The following DIS3L variants were observed in gnomAD, a reference collection of about 807,000 sequenced individuals.
DIS3L encodes the protein DIS3 like exosome 3'-5' exoribonuclease.
A neutral mutation model predicts 120.3 loss-of-function variants in DIS3L; 100 were observed. That is an observed-to-expected ratio of 0.83 (90% CI 0.71 to 0.98). The LOEUF is 0.98. Ranked by LOEUF, DIS3L falls within the 50% of genes least tolerant of loss-of-function variation. The probability of loss-of-function intolerance (pLI) is 0.00; values close to 1 mark genes in which losing one functional copy is unlikely to be tolerated. For missense variants in DIS3L, 1,196 were observed against 1,314.2 expected (o/e 0.91, Z 1.39); for synonymous variants, 426 against 470.6 (o/e 0.91, Z 1.23).
At chr15:66,302,476 A>G (rs1338178041) in intron 2 of DIS3L, among the ~76,000 whole-genome samples, 1 of 152,202 alleles carries the variant, frequency 6.6e-6, no homozygotes, top group African/African-American at 2.4e-5. Flanking sequence ...TGGAAATGTC[A>G]GTTTATTCAG....
At chr15:66,329,968 G>C (rs1285780771) in intron 14 of DIS3L, 9 of 984,684 alleles carry the variant, frequency 9.1e-6, no homozygotes, top group Non-Finnish European at 1.1e-5. Flanking sequence ...ACCACCCAGA[G>C]CTAACAATTA....
chr15:66,307,617 G>A (rs918433808), intron 3 of DIS3L, among the ~76,000 whole-genome samples: 16 of 152,152 alleles, frequency 1.1e-4, no homozygotes, highest in African/African-American at 4.8e-5. Context: ...CCTACTCCCA[G>A]TCTTATTAAA....
At chr15:66,301,560 C>G (rs916525783) in intron 2 of DIS3L, among the ~76,000 whole-genome samples, 1 of 152,144 alleles carries the variant, frequency 6.6e-6, no homozygotes, top group African/African-American at 2.4e-5. Flanking sequence ...GGATTACAAG[C>G]ATGAGCCACC....
chr15:66,331,955 G>A lies in DIS3L; in HGVS notation c.2616G>A (p.Glu872=). 2.5e-6 allele frequency: 4 copies of A among 1,613,588 alleles called. No homozygotes were observed. Among genetic ancestry groups the A allele is most frequent in the Non-Finnish European group, 3.4e-6 (4 of 1,179,776 alleles). ...AAGACAAAGACCCTGCCACCGAGGA[G>A]CGTTGCATATCTGACGGAGTTATTT... is the stretch of plus-strand genomic sequence containing the variant. ...YFKDKDPATE[E]RCISDGVIYS... Residue 872 remains glutamate, a synonymous_variant, in exon 15 of 17, where the codon GAG becomes GAA. Coordinates refer to ENST00000319212, the MANE Select transcript of DIS3L (RefSeq NM_001143688.3).
chr15:66,318,315 G>T, intron 7 of DIS3L, 134 bp from the exon 8 acceptor site: 2 of 947,408 alleles, frequency 2.1e-6, no homozygotes, highest in Non-Finnish European at 3.1e-6. Flanking sequence ...AAACATTCTT[G>T]AGTTGGGTGG....
intron 14 of DIS3L, chr15:66,329,851 G>A: frequency 1.0e-6 from 1 of 966,888 alleles, no homozygotes. Flanking sequence ...GGTGGAGATT[G>A]CAGTGGGCCG....
chr15:66,332,837 G>A lies in DIS3L; in HGVS notation c.2783G>A (p.Arg928Gln), dbSNP rs148188484. 6.8e-6 allele frequency: 11 copies of A among 1,613,810 alleles called. No homozygotes were observed. Among genetic ancestry groups the A allele is most frequent in the African/African-American group, 4.0e-5 (3 of 74,884 alleles). ...GAATGGAAACCAGGATCCCTTCAAC[G>A]ATTTCAAAACAAAATTACCTCTACT... ...CSEWKPGSLQ[R>Q]FQNKITSTTT... is the part of the protein sequence containing the mutation. The change falls in exon 16 of 17, where the codon CGA (arginine) becomes CAA (glutamine). Residue 928 changes from arginine (R) to glutamine (Q), a missense_variant. Arg to Gln is a conservative substitution (Grantham distance 43). Coordinates refer to ENST00000319212, the MANE Select transcript of DIS3L (RefSeq NM_001143688.3).
intron 1 of DIS3L, chr15:66,294,082 G>A (rs2092556921): frequency 1.0e-6 from 1 of 986,056 alleles, no homozygotes; most frequent in Non-Finnish European, 1.2e-6. Flanking sequence ...TCGCGCCGTG[G>A]AGAAATGGGG....
intron 4 of DIS3L, among the ~76,000 whole-genome samples, chr15:66,310,053 C>G (rs1381166960): frequency 6.6e-6 from 1 of 152,164 alleles, no homozygotes; most frequent in African/African-American, 2.4e-5. Context: ...GTCTGCCCAG[C>G]TGGTCAATTA....
chr15:66,319,952 TAA>T (rs34195061), intron 8 of DIS3L, among the ~76,000 whole-genome samples: 64 of 108,048 alleles, frequency 5.9e-4, no homozygotes, highest in Middle Eastern at 9.2e-3. Context: ...CCATTTCTAC[TAA>T]AAAAAAAAAA....
chr15:66,329,392 G>A lies in DIS3L; in HGVS notation c.2528G>A (p.Arg843Lys). 6.3e-7 allele frequency: 1 copy of A among 1,599,754 alleles called. No homozygotes were observed. The highest frequency in any genetic ancestry group is 8.5e-7 in the Non-Finnish European group (1 of 1,175,272). The change falls in exon 14 of 17, where the codon AGA becomes AAA. Residue 843 changes from arginine (R) to lysine (K), a missense_variant. By Grantham distance (26) the Arg-to-Lys change is conservative (BLOSUM62 2). Transcript: ENST00000319212. ...GAATTATGCAGACATATCAACAACA[G>A]AAACCAAGTAAGAGGGAATTTCAAA... ...LEELCRHINN[R>K]NQAAQHSQKQ...
Position 66,333,399 on chromosome 15 carries a change from C to G in DIS3L, c.*87C>G. ...CATTTAATGTGTGTCACTCAGTGCT[C>G]TAGTCGATCAGGACTGGGTAGCTAT... On this transcript the variant is annotated 3_prime_UTR_variant, in exon 17 of 17. Coordinates refer to ENST00000319212, the MANE Select transcript of DIS3L (RefSeq NM_001143688.3). The G allele has an allele frequency of 1.4e-6, 2 of 1,381,604 alleles. No homozygotes were observed. Among genetic ancestry groups the G allele is most frequent in the Non-Finnish European group, 9.9e-7 (1 of 1,014,442 alleles). The allele number at this position is 1,381,604 out of a possible 1,614,324, so 85.6% of individuals were successfully genotyped here. A position where few individuals can be genotyped will look rare whatever the true frequency, so the allele number is the denominator to read the frequency against.
chr15:66,322,146 A>T (rs991807842), intron 9 of DIS3L, among the ~76,000 whole-genome samples: 2 of 152,220 alleles, frequency 1.3e-5, no homozygotes, highest in African/African-American at 4.8e-5. Context: ...GCTATACATC[A>T]TAGGACTAGA....
Position 66,319,447 on chromosome 15 carries a change from A to G in DIS3L, c.1164+829A>G, listed in dbSNP as rs560596142. 1.2e-4 allele frequency among the ~76,000 whole-genome samples: 18 copies of G among 152,312 alleles called. No homozygotes were observed. The South Asian group carries it at 3.7e-3, about 32-fold the overall frequency. ...CAAGCTTTCCTCCAGCAAGCAATAT[A>G]GAAATACGATCACTCTGCCCTGTAG... is the stretch of plus-strand genomic sequence containing the variant. On this transcript the variant is annotated intron_variant, in intron 8 of 16. Transcript: ENST00000319212.
chr15:66,319,110 TC>T (rs1239313601), intron 8 of DIS3L, among the ~76,000 whole-genome samples: 1 of 151,996 alleles, frequency 6.6e-6, no homozygotes, highest in Non-Finnish European at 1.5e-5. Flanking sequence ...GTTTTTTAAT[TC>T]TTTTTTTGTA....
At chr15:66,306,701 C>G in intron 2 of DIS3L, 123 bp from the exon 3 acceptor site, 5 of 1,351,428 alleles carry the variant, frequency 3.7e-6, no homozygotes, top group Non-Finnish European at 5.1e-6. Flanking sequence ...AATACATGTT[C>G]TTCAGGTTTA....
intron 1 of DIS3L, chr15:66,294,118 A>T (rs1480406864): frequency 2.0e-6 from 2 of 985,438 alleles, no homozygotes; most frequent in Non-Finnish European, 1.2e-6. Context: ...AGCCCCCGGG[A>T]GCTACAGGCC....
chr15:66,293,766 C>G, intron 1 of DIS3L, 31 bp downstream of exon 1: 9 of 1,163,112 alleles, frequency 7.7e-6, no homozygotes, highest in South Asian at 4.2e-5. Context: ...GGGGACGGGG[C>G]CGGCGGGAGC....
At chr15:66,308,948 A>G (rs2140347773) in intron 4 of DIS3L, 104 bp downstream of exon 4, 1 of 1,371,556 alleles carries the variant, frequency 7.3e-7, no homozygotes, top group Non-Finnish European at 9.7e-7. Context: ...AGGAATAGAC[A>G]TTAAGTTCCA....
Sources: allele counts gnomAD v4.1 joint callset (sites outside exome capture counted in the v4.1 genomes callset), GRCh38; gene constraint gnomAD v4.1.1; transcripts MANE v1.5; gene names NCBI Gene and HGNC (gene_info 2026-07-23, HGNC 2026-07-21).